Variants in NT5DC1 observed in about 807,000 individuals in gnomAD.
NT5DC1 encodes the protein 5'-nucleotidase domain-containing protein 1.
In NT5DC1, 42 loss-of-function variants were observed where a neutral mutation model predicts 59.4. That is an observed-to-expected ratio of 0.71 (90% CI 0.55 to 0.92). The LOEUF (loss-of-function observed/expected upper bound fraction) is 0.92. Ranked by LOEUF, NT5DC1 falls within the 40% of genes least tolerant of loss-of-function variation. The probability of loss-of-function intolerance (pLI) is 0.00; values close to 1 mark genes in which losing one functional copy is unlikely to be tolerated. For synonymous variants in NT5DC1, 172 were observed against 188.1 expected, an observed-to-expected ratio of 0.91 and a Z score of 0.70; for missense variants, 501 against 537.1, an observed-to-expected ratio of 0.93 and a Z score of 0.66.
intron 6 of NT5DC1, among the ~76,000 whole-genome samples, chr6:116,173,532 G>A (rs1390101968): frequency 2.0e-5 from 3 of 152,102 alleles, no homozygotes; most frequent in African/African-American, 7.2e-5. Context: ...TTCCCGCTTT[G>A]AGCAACAGCA....
rs900418574 is a variant in NT5DC1 at position 116,114,539 on chromosome 6, G to C, written c.365-1152G>C. Among the ~76,000 whole-genome samples the C allele has an allele frequency of 8.5e-3, 1,210 of 142,214 alleles. 62 individuals carry two copies. Among genetic ancestry groups the C allele is most frequent in the African/African-American group, 0.028 (1,092 of 38,474 alleles). 93.3% of individuals were successfully genotyped at this position (142,214 alleles called of 152,430 possible). A position where few individuals can be genotyped will look rare whatever the true frequency, so the allele number is the denominator to read the frequency against. ...ACATAGCTTGCAAATTGGGGGGAGG[G>C]GGGGGGAGTCAAAATCAGGTGATTA... On this transcript the variant is annotated intron_variant, in intron 4 of 11. Coordinates refer to ENST00000319550, the MANE Select transcript of NT5DC1 (RefSeq NM_152729.3).
chr6:116,120,881 G>A, intron 6 of NT5DC1: 1 of 1,613,872 alleles, frequency 6.2e-7, no homozygotes, highest in Non-Finnish European at 8.5e-7. Context: ...TCCAACTCCA[G>A]GATCACCTTT....
intron 6 of NT5DC1, among the ~76,000 whole-genome samples, chr6:116,160,883 C>T (rs1434526436): frequency 1.3e-5 from 2 of 152,124 alleles, no homozygotes; most frequent in African/African-American, 2.4e-5. Flanking sequence ...TATAAAGACA[C>T]ATGCACACGT....
In NT5DC1 at chr6:116,108,812, G is replaced by A. The variant is rs184646504; in HGVS notation, c.257+377G>A. 5.9e-5 allele frequency among the ~76,000 whole-genome samples: 9 copies of A among 152,274 alleles called. No individual in the cohort carries two copies. The East Asian group carries it at 1.7e-3, about 29-fold the overall frequency. ...TTCTTTTTGTTAAGAAAGAAAGAATGGGTATTGGGTAGGGGTTGGTGGTCT... is the reference window on the plus strand; with the variant it reads ...TTCTTTTTGTTAAGAAAGAAAGAATAGGTATTGGGTAGGGGTTGGTGGTCT... On this transcript the variant is annotated intron_variant, in intron 3 of 11. Transcript: ENST00000319550.
In NT5DC1 at chr6:116,121,395, C is replaced by G. The variant is rs369551991; in HGVS notation, c.529+3450C>G. ...GGTGGGCCAATTGGTCCCATTTCTC[C>G]CGGAAAACCTCTATCACCTTTGATG... On this transcript the variant is annotated intron_variant, in intron 6 of 11. Coordinates refer to ENST00000319550, the MANE Select transcript of NT5DC1 (RefSeq NM_152729.3). 5.0e-6 allele frequency: 8 copies of G among 1,614,046 alleles called. No homozygotes were observed. Among genetic ancestry groups the G allele is most frequent in the African/African-American group, 1.3e-5 (1 of 74,918 alleles).
At chr6:116,203,260 A>T (rs914672200) in intron 6 of NT5DC1, among the ~76,000 whole-genome samples, 3 of 151,862 alleles carry the variant, frequency 2.0e-5, no homozygotes, top group Non-Finnish European at 4.4e-5. Flanking sequence ...ATTCATTTTC[A>T]TGGTCATGAA....
chr6:116,109,322 A>G (rs1778820275), intron 3 of NT5DC1, among the ~76,000 whole-genome samples: 1 of 152,196 alleles, frequency 6.6e-6, no homozygotes, highest in Non-Finnish European at 1.5e-5. Context: ...GAGCAGGTGT[A>G]GCCCCACCTT....
In NT5DC1 at chr6:116,115,715, A is replaced by C. The variant is rs759189573; in HGVS notation, c.389A>C (p.Tyr130Ser). Reference sequence around the variant, plus strand: ...GGAAAGTATTACTTTTACGACAACTACTTTGACCTGCCAGGAGCTCTTCTG... The same window carrying C: ...GGAAAGTATTACTTTTACGACAACTCCTTTGACCTGCCAGGAGCTCTTCTG... ...RSGKYYFYDN[Y>S]FDLPGALLCA... The change falls in exon 5 of 12, where the codon TAC becomes TCC. Residue 130 changes from tyrosine (Y) to serine (S), a missense_variant. Coordinates refer to ENST00000319550, the MANE Select transcript of NT5DC1 (RefSeq NM_152729.3). The C allele has an allele frequency of 1.7e-5, 27 of 1,601,294 alleles. No individual in the cohort carries two copies. The highest frequency in any genetic ancestry group is 2.2e-5 in the Non-Finnish European group (26 of 1,168,614).
At chr6:116,124,944 T>G (rs192376665) in intron 6 of NT5DC1, among the ~76,000 whole-genome samples, 4 of 152,310 alleles carry the variant, frequency 2.6e-5, no homozygotes, top group African/African-American at 9.6e-5. Flanking sequence ...TGTTTAATAT[T>G]TAGCTAAATA....
chr6:116,178,345 A>G (rs553472898), intron 6 of NT5DC1, among the ~76,000 whole-genome samples: 3 of 152,074 alleles, frequency 2.0e-5, no homozygotes, highest in Non-Finnish European at 4.4e-5. Flanking sequence ...GCCCTAGGAC[A>G]CCTTTCTGAA....
chr6:116,238,906 T>G, intron 10 of NT5DC1, 49 bp from the exon 11 acceptor site: 1 of 1,189,476 alleles, frequency 8.4e-7, no homozygotes, highest in South Asian at 1.3e-5. Flanking sequence ...AATTATGAGA[T>G]TGAACATTAG....
At chr6:116,195,551 A>G (rs771466018) in intron 6 of NT5DC1, among the ~76,000 whole-genome samples, 5 of 152,150 alleles carry the variant, frequency 3.3e-5, no homozygotes, top group South Asian at 2.1e-4. Flanking sequence ...TCTGCTTTAT[A>G]TATGATTGTA....
chr6:116,157,792 A>C (rs1053784806), intron 6 of NT5DC1, among the ~76,000 whole-genome samples: 2 of 152,182 alleles, frequency 1.3e-5, no homozygotes, highest in African/African-American at 4.8e-5. Flanking sequence ...GGAAATCAAA[A>C]ACTGATAATA....
intron 6 of NT5DC1, among the ~76,000 whole-genome samples, chr6:116,133,366 T>C (rs1779514999): frequency 6.6e-6 from 1 of 152,212 alleles, no homozygotes; most frequent in Non-Finnish European, 1.5e-5. Context: ...AAGTGTTAAT[T>C]AGAGAAGTCA....
At chr6:116,202,651 A>G (rs1204756110) in intron 6 of NT5DC1, among the ~76,000 whole-genome samples, 1 of 152,054 alleles carries the variant, frequency 6.6e-6, no homozygotes, top group African/African-American at 2.4e-5. Flanking sequence ...ATCCAGTCAC[A>G]TGATGTTTGT....
intron 6 of NT5DC1, among the ~76,000 whole-genome samples, chr6:116,135,874 C>CACATATATATATATATAT (rs1562132758): frequency 3.7e-5 from 2 of 53,816 alleles, no homozygotes; most frequent in African/African-American, 1.5e-4. Flanking sequence ...TATATATATA[C>CACATATATATATATATAT]ACACATACAC....
At chr6:116,133,387 CT>C (rs1296526524) in intron 6 of NT5DC1, among the ~76,000 whole-genome samples, 1 of 152,142 alleles carries the variant, frequency 6.6e-6, no homozygotes, top group Non-Finnish European at 1.5e-5. Flanking sequence ...CAGGGTAACA[CT>C]TTTTATTTAG....
At chr6:116,179,088 A>T (rs543412302) in intron 6 of NT5DC1, among the ~76,000 whole-genome samples, 6 of 152,212 alleles carry the variant, frequency 3.9e-5, no homozygotes, top group South Asian at 2.1e-4. Context: ...CTTCTTATTT[A>T]TTTAACATAA....
At chr6:116,136,625 ATTTGT>A (rs1779611234) in intron 6 of NT5DC1, among the ~76,000 whole-genome samples, 1 of 152,184 alleles carries the variant, frequency 6.6e-6, no homozygotes, top group African/African-American at 2.4e-5. Context: ...GTCAAATTTC[ATTTGT>A]GAAATCTCAG....
Sources: allele counts gnomAD v4.1 joint callset (sites outside exome capture counted in the v4.1 genomes callset), GRCh38; gene constraint gnomAD v4.1.1; transcripts MANE v1.5; gene names NCBI Gene and HGNC (gene_info 2026-07-23, HGNC 2026-07-21).